The following ALDH8A1 variants were observed in gnomAD, a reference collection of about 807,000 sequenced individuals.
ALDH8A1 encodes 2-aminomuconic semialdehyde dehydrogenase.
In ALDH8A1, 39 loss-of-function variants were observed where a neutral mutation model predicts 43.3. That is an observed-to-expected ratio of 0.90 (90% confidence interval 0.70 to 1.18). The LOEUF (loss-of-function observed/expected upper bound fraction) is 1.18, where lower values mean the gene tolerates loss of function less well. Among genes scored for constraint, ALDH8A1 ranks in the 50% most tolerant of loss-of-function variants. The pLI is 0.00. For missense variants in ALDH8A1, 605 were observed against 622.6 expected, an observed-to-expected ratio of 0.97 and a Z score of 0.30; for synonymous variants, 233 against 243.5, an observed-to-expected ratio of 0.96 and a Z score of 0.40.
intron 4 of ALDH8A1, 21 bp downstream of exon 4, chr6:134,939,245 C>A: frequency 7.4e-6 from 12 of 1,611,668 alleles, no homozygotes; most frequent in Non-Finnish European, 1.0e-5. Context: ...TGCCTGCCCC[C>A]CAACCCCAAC....
At chr6:134,940,082 C>T (rs79495116) in intron 3 of ALDH8A1, 4 of 236,154 alleles carry the variant, frequency 1.7e-5, no homozygotes, top group Admixed American at 5.1e-5. Context: ...AGGGGAGAGT[C>T]GGGGGGAAGA....
rs781436226 is a variant in ALDH8A1 at position 134,943,977 on chromosome 6, C to G, written c.139-11G>C. On this transcript the variant is annotated splice_polypyrimidine_tract_variant and intron_variant, in intron 1 of 6. Transcript: ENST00000265605. ...GACCGCGGCTTCGATCTTTGAGGAG[C>G]AAATGGGAGAAAGGGTCACCTTAAA... 1 of 1,612,146 alleles carries G rather than the reference C, an allele frequency of 6.2e-7. No individual in the cohort carries two copies. The highest frequency in any genetic ancestry group is 2.2e-5 in the East Asian group (1 of 44,878).
chr6:134,949,525 T>A (rs1222072902), intron 1 of ALDH8A1, among the ~76,000 whole-genome samples: 1 of 152,204 alleles, frequency 6.6e-6, no homozygotes, highest in Non-Finnish European at 1.5e-5. Flanking sequence ...AGTAAAGCTA[T>A]ACTTTTTTTT....
intron 3 of ALDH8A1, 73 bp downstream of exon 3, chr6:134,942,336 G>A: frequency 2.1e-6 from 3 of 1,447,796 alleles, no homozygotes; most frequent in Non-Finnish European, 2.8e-6. Context: ...TGTTCCTTGA[G>A]GACAATGCCA....
At chr6:134,939,018 C>T (rs1020877587) in intron 4 of ALDH8A1, among the ~76,000 whole-genome samples, 23 of 152,124 alleles carry the variant, frequency 1.5e-4, no homozygotes, top group African/African-American at 5.3e-4. Context: ...TTTAAGTCTG[C>T]GTCACTATTG....
At chr6:134,931,543 G>C (rs1290627189) in intron 5 of ALDH8A1, among the ~76,000 whole-genome samples, 1 of 152,148 alleles carries the variant, frequency 6.6e-6, no homozygotes, top group African/African-American at 2.4e-5. Context: ...TGGGATTACA[G>C]GTGTGAGCCA....
At chr6:134,949,796 T>A (rs1774012252) in intron 1 of ALDH8A1, 120 bp downstream of exon 1, 1 of 1,177,120 alleles carries the variant, frequency 8.5e-7, no homozygotes. Context: ...AGAATCTTCC[T>A]TCTATCATGT....
intron 6 of ALDH8A1, among the ~76,000 whole-genome samples, chr6:134,920,601 A>G (rs1248920925): frequency 6.6e-6 from 1 of 152,192 alleles, no homozygotes; most frequent in Non-Finnish European, 1.5e-5. Flanking sequence ...GGTAAAGGGA[A>G]GTGTCAGTCT....
rs961330459 is a variant in ALDH8A1 at position 134,917,395 on chromosome 6, G to A, written c.*1020C>T. 1.3e-5 allele frequency: 2 copies of A among 152,046 alleles called. No homozygotes were observed. Among genetic ancestry groups the A allele is most frequent in the African/African-American group, 2.4e-5 (1 of 41,390 alleles). The allele number at this position is 152,046 out of a possible 1,614,324, so 9.4% of individuals were successfully genotyped here. A position where few individuals can be genotyped will look rare whatever the true frequency, so the allele number is the denominator to read the frequency against. ...CAAAAATAAGATACATGCCATACTG[G>A]TTACTAAAATTGCTTAACATTTATT... On this transcript the variant is annotated 3_prime_UTR_variant, in exon 7 of 7. Coordinates refer to ENST00000265605, the MANE Select transcript of ALDH8A1 (RefSeq NM_022568.4).
At chr6:134,937,543 T>C (rs1773763826) in intron 4 of ALDH8A1, among the ~76,000 whole-genome samples, 1 of 152,224 alleles carries the variant, frequency 6.6e-6, no homozygotes, top group African/African-American at 2.4e-5. Flanking sequence ...AAACAGAAAC[T>C]GTCATGCAGG....
chr6:134,923,504 T>G (rs947379264), intron 6 of ALDH8A1, among the ~76,000 whole-genome samples: 1 of 152,178 alleles, frequency 6.6e-6, no homozygotes, highest in Non-Finnish European at 1.5e-5. Context: ...ATTTCCAAAG[T>G]GATCCATGGC....
chr6:134,946,883 A>G (rs1773962622), intron 1 of ALDH8A1, among the ~76,000 whole-genome samples: 1 of 152,000 alleles, frequency 6.6e-6, no homozygotes, highest in South Asian at 2.1e-4. Flanking sequence ...CTGTAAAATA[A>G]GGATCATAAT....
chr6:134,929,238 T>C (rs1342486128), intron 5 of ALDH8A1, 23 bp from the exon 6 acceptor site: 1 of 1,611,328 alleles, frequency 6.2e-7, no homozygotes, highest in Admixed American at 1.7e-5. Flanking sequence ...AGAACAGGGA[T>C]AAGGCTGCGG....
At chr6:134,939,715 T>A (rs927567226) in intron 3 of ALDH8A1, among the ~76,000 whole-genome samples, 1 of 152,204 alleles carries the variant, frequency 6.6e-6, no homozygotes, top group Non-Finnish European at 1.5e-5. Flanking sequence ...TCACCTATCA[T>A]ATACCCAAAG....
intron 6 of ALDH8A1, among the ~76,000 whole-genome samples, chr6:134,928,765 T>C (rs1776928136): frequency 6.6e-6 from 1 of 152,226 alleles, no homozygotes; most frequent in Non-Finnish European, 1.5e-5. Flanking sequence ...CACCCTTATT[T>C]GCTGATCTTT....
chr6:134,924,518 T>C (rs1776854748), intron 6 of ALDH8A1, among the ~76,000 whole-genome samples: 1 of 152,228 alleles, frequency 6.6e-6, no homozygotes, highest in South Asian at 2.1e-4. Flanking sequence ...TCATTTTACC[T>C]TTAAAAACCC....
chr6:134,922,252 A>G (rs150580328), intron 6 of ALDH8A1, among the ~76,000 whole-genome samples: 1 of 152,322 alleles, frequency 6.6e-6, no homozygotes, highest in Non-Finnish European at 1.5e-5. Flanking sequence ...CAACAAAACA[A>G]GGCAAGCCAC....
intron 6 of ALDH8A1, among the ~76,000 whole-genome samples, chr6:134,922,273 G>A (rs1776815676): frequency 6.6e-6 from 1 of 152,232 alleles, no homozygotes; most frequent in African/African-American, 2.4e-5. Flanking sequence ...ATAGATAGCA[G>A]CGTTTTAGAT....
At chr6:134,931,990 A>G (rs1379408482) in intron 5 of ALDH8A1, among the ~76,000 whole-genome samples, 2 of 152,224 alleles carry the variant, frequency 1.3e-5, no homozygotes, top group Admixed American at 6.5e-5. Flanking sequence ...GTTTCCTTCT[A>G]TGAAGTTCTA....
Sources: gnomAD v4.1 joint callset for allele counts (sites outside exome capture counted in the v4.1 genomes callset) on GRCh38, gnomAD v4.1.1 for gene constraint, MANE v1.5 for transcripts, NCBI Gene and HGNC (gene_info 2026-07-23, HGNC 2026-07-21) for gene names.